Variants in COL28A1 observed in about 807,000 individuals in gnomAD.
The protein encoded by COL28A1 is collagen alpha-1(XXVIII) chain.
Under a neutral mutation model 150.2 loss-of-function variants are expected in COL28A1, and 161 were observed. That is an observed-to-expected ratio of 1.07 (90% CI 0.94 to 1.22). COL28A1 has a LOEUF of 1.22. COL28A1 is among the 50% of genes most tolerant of loss of function. The pLI is 0.00. For missense variants in COL28A1, 1,617 were observed against 1,388.3 expected (o/e 1.16, Z -2.62); for synonymous variants, 552 against 469.7 (o/e 1.18, Z -2.26).
chr7:7,477,753 C>T (rs1047140653), intron 13 of COL28A1, among the ~76,000 whole-genome samples: 1 of 152,186 alleles, frequency 6.6e-6, no homozygotes, highest in Admixed American at 6.5e-5. Flanking sequence ...AGCAAAAGAA[C>T]AAAGCTTCCA....
At chr7:7,410,551 T>G (rs1783725063) in intron 27 of COL28A1, among the ~76,000 whole-genome samples, 1 of 152,170 alleles carries the variant, frequency 6.6e-6, no homozygotes, top group South Asian at 2.1e-4. Context: ...GCTATGCCGT[T>G]AAGTGGATAA....
At chr7:7,486,448 T>C (rs990778967) in intron 13 of COL28A1, among the ~76,000 whole-genome samples, 2 of 152,186 alleles carry the variant, frequency 1.3e-5, no homozygotes, top group Non-Finnish European at 1.5e-5. Context: ...TCTTGTCTTA[T>C]CGTGCTGGCT....
chr7:7,397,231 G>A (rs1003304993), intron 27 of COL28A1, among the ~76,000 whole-genome samples: 1 of 152,096 alleles, frequency 6.6e-6, no homozygotes, highest in East Asian at 1.9e-4. Context: ...GTGGCCACCT[G>A]TATTCAACAG....
At chr7:7,477,002 G>T (rs1788942221) in intron 14 of COL28A1, 110 bp downstream of exon 14, 1 of 690,236 alleles carries the variant, frequency 1.4e-6, no homozygotes, top group African/African-American at 1.8e-5. Flanking sequence ...AATAAAGATG[G>T]TCAGAAAAAT....
intron 27 of COL28A1, among the ~76,000 whole-genome samples, chr7:7,399,627 G>T (rs556257235): frequency 1.2e-4 from 18 of 148,690 alleles, no homozygotes; most frequent in South Asian, 8.4e-4. Flanking sequence ...AATTTTTGGA[G>T]TTCAATATGG....
intron 27 of COL28A1, among the ~76,000 whole-genome samples, chr7:7,396,200 G>C (rs556846765): frequency 6.6e-6 from 1 of 152,230 alleles, no homozygotes; most frequent in South Asian, 2.1e-4. Context: ...TTTGGGTATT[G>C]ATCTCCTTCC....
chr7:7,365,944 C>T (rs1383102122), intron 33 of COL28A1, among the ~76,000 whole-genome samples: 1 of 152,144 alleles, frequency 6.6e-6, no homozygotes, highest in African/African-American at 2.4e-5. Context: ...TTTAAAGTTA[C>T]TGGGGCCTTT....
In COL28A1 at chr7:7,510,873, G is replaced by C. The variant is rs190633577; in HGVS notation, c.927+218C>G. 1.4e-3 allele frequency among the ~76,000 whole-genome samples: 209 copies of C among 152,280 alleles called. 1 individual carries two copies. The highest frequency in any genetic ancestry group is 4.9e-3 in the African/African-American group (205 of 41,550). On this transcript the variant is annotated intron_variant, in intron 9 of 34. Coordinates refer to ENST00000399429, the MANE Select transcript of COL28A1 (RefSeq NM_001037763.3). ...CTCCAAGGTTAGGGTGTCAGAAAAT[G>C]AAGTCTTAATGGTCCATAAAAAAGG...
chr7:7,438,682 A>G (rs1032084117), intron 21 of COL28A1, among the ~76,000 whole-genome samples: 2 of 152,196 alleles, frequency 1.3e-5, no homozygotes, highest in African/African-American at 4.8e-5. Flanking sequence ...AATTCATAAC[A>G]TATTAGTATG....
intron 4 of COL28A1, among the ~76,000 whole-genome samples, chr7:7,523,312 C>G (rs971971382): frequency 1.3e-5 from 2 of 152,110 alleles, no homozygotes; most frequent in African/African-American, 4.8e-5. Flanking sequence ...CATGCACCAT[C>G]ACCCCCAGCT....
At chr7:7,497,425 A>C (rs1780281379) in intron 11 of COL28A1, among the ~76,000 whole-genome samples, 1 of 152,198 alleles carries the variant, frequency 6.6e-6, no homozygotes, top group Admixed American at 6.5e-5. Flanking sequence ...AACTTACTGC[A>C]TGGATGAAAA....
chr7:7,503,546 A>C (rs965918587), intron 11 of COL28A1, among the ~76,000 whole-genome samples: 1 of 152,222 alleles, frequency 6.6e-6, no homozygotes, highest in African/African-American at 2.4e-5. Context: ...AATAAATGTC[A>C]CTATAAAATA....
chr7:7,511,499 T>G (rs1781133504), intron 8 of COL28A1, among the ~76,000 whole-genome samples: 1 of 152,234 alleles, frequency 6.6e-6, no homozygotes, highest in African/African-American at 2.4e-5. Flanking sequence ...AGCTTTATCA[T>G]TCTTATTTTA....
intron 27 of COL28A1, among the ~76,000 whole-genome samples, chr7:7,405,423 A>C (rs1226176599): frequency 6.6e-6 from 1 of 152,228 alleles, no homozygotes; most frequent in African/African-American, 2.4e-5. Context: ...GGAACTATTA[A>C]TACATCAAAT....
At chr7:7,499,350 C>T (rs1370940366) in intron 11 of COL28A1, among the ~76,000 whole-genome samples, 1 of 152,010 alleles carries the variant, frequency 6.6e-6, no homozygotes, top group African/African-American at 2.4e-5. Context: ...TGTTGTCCTG[C>T]CAGAAGAACC....
intron 15 of COL28A1, among the ~76,000 whole-genome samples, chr7:7,461,845 T>A (rs1034757201): frequency 3.3e-5 from 5 of 151,828 alleles, no homozygotes; most frequent in Non-Finnish European, 7.4e-5. Context: ...CTCATGGGAG[T>A]TATAAGGCCC....
intron 27 of COL28A1, 24 bp from the exon 28 acceptor site, chr7:7,381,636 T>C: frequency 6.3e-7 from 1 of 1,585,330 alleles, no homozygotes; most frequent in Non-Finnish European, 8.7e-7. Flanking sequence ...GAGAAAGAGA[T>C]GTTCTATTAA....
At chr7:7,485,467 A>T (rs181003565) in intron 13 of COL28A1, among the ~76,000 whole-genome samples, 16 of 152,242 alleles carry the variant, frequency 1.1e-4, no homozygotes, top group African/African-American at 3.4e-4. Flanking sequence ...TACCACTTTG[A>T]TGAAGTCCAG....
Position 7,360,524 on chromosome 7 carries a change from C to CT in COL28A1, c.3070dup (p.Ser1024LysfsTer8). 6.3e-7 allele frequency: 1 copy of CT among 1,595,162 alleles called. No homozygotes were observed. The highest frequency in any genetic ancestry group is 8.5e-7 in the Non-Finnish European group (1 of 1,174,920). On this transcript the variant is annotated frameshift_variant, in exon 34 of 35. Coordinates refer to ENST00000399429, the MANE Select transcript of COL28A1 (RefSeq NM_001037763.3). LOFTEE classifies it high-confidence loss of function. The stretch of plus-strand genomic sequence containing the variant: ...ATCTTCATCCTGGTCTCTGGTGACA[C>CT]TCAACTACACAAAAATATTCACATT...
Sources: gnomAD v4.1 joint callset for allele counts (sites outside exome capture counted in the v4.1 genomes callset) on GRCh38, gnomAD v4.1.1 for gene constraint, MANE v1.5 for transcripts, NCBI Gene and HGNC (gene_info 2026-07-23, HGNC 2026-07-21) for gene names.